The following THRB variants were observed in gnomAD, a reference collection of about 807,000 sequenced individuals.
THRB encodes the protein nuclear receptor subfamily 1 group A member 2.
Under a neutral mutation model 47.8 loss-of-function variants are expected in THRB, and 12 were observed. That is an observed-to-expected ratio of 0.25 (90% CI 0.16 to 0.41). THRB has a LOEUF of 0.41. Among genes scored for constraint, THRB ranks in the 10% least tolerant of loss-of-function variants. The pLI, the probability that THRB is intolerant of heterozygous loss-of-function variation, is 1.00. For missense variants in THRB, 348 were observed against 589.2 expected, an observed-to-expected ratio of 0.59 and a Z score of 4.24; for synonymous variants, 218 against 212.2, an observed-to-expected ratio of 1.03 and a Z score of -0.24.
intron 10 of THRB, among the ~76,000 whole-genome samples, chr3:24,126,064 T>C (rs2032729275): frequency 6.6e-6 from 1 of 152,142 alleles, no homozygotes; most frequent in Non-Finnish European, 1.5e-5. Context: ...TATCTAAATT[T>C]CCTATAGTAA....
intron 4 of THRB, among the ~76,000 whole-genome samples, chr3:24,200,980 G>A (rs757047537): frequency 2.0e-5 from 3 of 152,150 alleles, no homozygotes; most frequent in Non-Finnish European, 4.4e-5. Flanking sequence ...TCCCCTAGGA[G>A]GGTCTATTTT....
At chr3:24,158,792 T>C (rs536057213) in intron 5 of THRB, among the ~76,000 whole-genome samples, 2 of 152,194 alleles carry the variant, frequency 1.3e-5, no homozygotes, top group Non-Finnish European at 2.9e-5. Flanking sequence ...AAGCATTATG[T>C]GTCTTTGTTG....
At chr3:24,391,856 T>G (rs1309032480) in intron 1 of THRB, among the ~76,000 whole-genome samples, 2 of 152,168 alleles carry the variant, frequency 1.3e-5, no homozygotes, top group Non-Finnish European at 2.9e-5. Context: ...ATGTACTAAC[T>G]GACTTACTCT....
At chr3:24,172,930 C>A (rs2040618149) in intron 5 of THRB, among the ~76,000 whole-genome samples, 1 of 152,248 alleles carries the variant, frequency 6.6e-6, no homozygotes, top group Admixed American at 6.5e-5. Flanking sequence ...GCTACAGCAG[C>A]CTTTTACTAG....
Position 24,254,339 on chromosome 3 carries a change from G to A in THRB, c.-42-25338C>T, listed in dbSNP as rs374135446. Among the ~76,000 whole-genome samples the A allele has an allele frequency of 7.4e-5, 11 of 149,426 alleles. No homozygotes were observed. The East Asian group carries it at 1.2e-3, about 16-fold the overall frequency. ...GAACCCGGGAGGCAAAGCTTGCAGT[G>A]AGCCCAGATTGTGGCACTCCAGGCT... is the stretch of plus-strand genomic sequence containing the variant. On this transcript the variant is annotated intron_variant, in intron 3 of 10. Coordinates refer to ENST00000646209, the MANE Select transcript of THRB (RefSeq NM_001354712.2).
intron 1 of THRB, among the ~76,000 whole-genome samples, chr3:24,355,137 G>A (rs2063592187): frequency 6.6e-6 from 1 of 152,136 alleles, no homozygotes; most frequent in African/African-American, 2.4e-5. Context: ...GAGTAAAGTG[G>A]CATCATGTGC....
chr3:24,140,384 G>C (rs2035277549), intron 8 of THRB, among the ~76,000 whole-genome samples: 1 of 152,016 alleles, frequency 6.6e-6, no homozygotes, highest in Admixed American at 6.5e-5. Context: ...GCACAGCTAG[G>C]GGGCCCTCAT....
intron 6 of THRB, among the ~76,000 whole-genome samples, chr3:24,148,759 A>G (rs1479458780): frequency 6.6e-6 from 1 of 152,250 alleles, no homozygotes; most frequent in African/African-American, 2.4e-5. Context: ...CTTTCTTATT[A>G]TGAAAATGCC....
intron 3 of THRB, among the ~76,000 whole-genome samples, chr3:24,249,044 A>C (rs936264153): frequency 4.6e-5 from 7 of 152,128 alleles, no homozygotes; most frequent in African/African-American, 1.7e-4. Flanking sequence ...TCAGTGCTAC[A>C]CTTGTGAAAG....
chr3:24,229,081 T>C (rs1271028840), intron 3 of THRB, 80 bp from the exon 4 acceptor site: 19 of 860,348 alleles, frequency 2.2e-5, no homozygotes, highest in Non-Finnish European at 3.5e-5. Context: ...CAATATCATA[T>C]GCATTAATTA....
chr3:24,348,027 A>G (rs2063131902), intron 1 of THRB, among the ~76,000 whole-genome samples: 1 of 152,178 alleles, frequency 6.6e-6, no homozygotes, highest in African/African-American at 2.4e-5. Context: ...GTATAAGGGT[A>G]TTATAAGAAA....
intron 4 of THRB, among the ~76,000 whole-genome samples, chr3:24,195,999 G>A (rs567250034): frequency 6.6e-6 from 1 of 152,328 alleles, no homozygotes; most frequent in Admixed American, 6.5e-5. Context: ...GAGCACTGTT[G>A]TGGTCATTAC....
At chr3:24,386,318 A>G (rs2066098803) in intron 1 of THRB, among the ~76,000 whole-genome samples, 1 of 151,952 alleles carries the variant, frequency 6.6e-6, no homozygotes, top group South Asian at 2.1e-4. Flanking sequence ...GTGCCTCCCC[A>G]ATATTTAGGG....
chr3:24,211,408 C>T (rs369280457), intron 4 of THRB, among the ~76,000 whole-genome samples: 3 of 152,126 alleles, frequency 2.0e-5, no homozygotes, highest in Non-Finnish European at 4.4e-5. Context: ...CCTCAACAAA[C>T]CTTACTTTCA....
At chr3:24,374,425 T>G (rs2065136566) in intron 1 of THRB, among the ~76,000 whole-genome samples, 1 of 152,166 alleles carries the variant, frequency 6.6e-6, no homozygotes, top group Non-Finnish European at 1.5e-5. Flanking sequence ...ATGTTTGTAT[T>G]TATGTATAAA....
intron 1 of THRB, among the ~76,000 whole-genome samples, chr3:24,453,549 A>G (rs1337789890): frequency 6.6e-6 from 1 of 152,194 alleles, no homozygotes; most frequent in Non-Finnish European, 1.5e-5. Context: ...AGGTCTCCCA[A>G]GTGGTCGTCT....
At chr3:24,248,078 A>C (rs748494988) in intron 3 of THRB, among the ~76,000 whole-genome samples, 4 of 152,124 alleles carry the variant, frequency 2.6e-5, no homozygotes, top group Non-Finnish European at 5.9e-5. Flanking sequence ...TTCTGAGTTC[A>C]GTAAAGGTTA....
At chr3:24,348,221 A>C (rs2063143356) in intron 1 of THRB, among the ~76,000 whole-genome samples, 1 of 152,166 alleles carries the variant, frequency 6.6e-6, no homozygotes, top group Non-Finnish European at 1.5e-5. Flanking sequence ...AGAAAAATGA[A>C]AAGCATCTGG....
chr3:24,118,123 G>A lies in THRB; in HGVS notation c.*4761C>T, dbSNP rs187897999. The A allele has an allele frequency of 6.6e-5, 10 of 152,670 alleles. No homozygotes were observed. Among genetic ancestry groups the A allele is most frequent in the East Asian group, 3.9e-4 (2 of 5,188 alleles). 9.5% of individuals were successfully genotyped at this position (152,670 alleles called of 1,614,324 possible). On this transcript the variant is annotated 3_prime_UTR_variant, in exon 11 of 11. Transcript: ENST00000646209. ...TAAATGTCCTTACATCCGTGGTTCC[G>A]TCTTTTGGCAGCAGCTGAAGTGAGA...
Sources: allele counts gnomAD v4.1 joint callset (sites outside exome capture counted in the v4.1 genomes callset), GRCh38; gene constraint gnomAD v4.1.1; transcripts MANE v1.5; gene names NCBI Gene and HGNC (gene_info 2026-07-23, HGNC 2026-07-21).